The following TMEM213 variants were observed in gnomAD, a reference collection of about 807,000 sequenced individuals.
TMEM213 encodes transmembrane protein 213.
Under a neutral mutation model 11.6 loss-of-function variants are expected in TMEM213, and 7 were observed. The observed-to-expected ratio is 0.60, with a 90% CI of 0.34 to 1.13. TMEM213 has a LOEUF of 1.13. Among genes scored for constraint, TMEM213 ranks in the 50% most tolerant of loss-of-function variants. The pLI is 0.03. For synonymous variants in TMEM213, 60 were observed against 58.3 expected, an observed-to-expected ratio of 1.03 and a Z score of -0.13; for missense variants, 129 against 139.0, an observed-to-expected ratio of 0.93 and a Z score of 0.36.
chr7:138,800,888 A>T (rs1438206710), intron 1 of TMEM213, among the ~76,000 whole-genome samples: 1 of 151,896 alleles, frequency 6.6e-6, no homozygotes, highest in Non-Finnish European at 1.5e-5. Context: ...TAGTAGAGAC[A>T]GGGTTTCATC....
chr7:138,801,302 G>C, intron 1 of TMEM213, 25 bp from the exon 2 acceptor site: 2 of 1,603,038 alleles, frequency 1.2e-6, no homozygotes, highest in Non-Finnish European at 1.7e-6. Context: ...CAGTGCCTCA[G>C]ACTATCTCCT....
rs1490434678 is a variant in TMEM213, at chr7:138,805,527, G to A, written c.*2458G>A. 1 of 152,110 alleles carries A rather than the reference G, an allele frequency of 6.6e-6. No homozygotes were observed. The highest frequency in any genetic ancestry group is 1.5e-5 in the Non-Finnish European group (1 of 68,032). The allele number at this position is 152,110 out of a possible 1,614,324, so 9.4% of individuals were successfully genotyped here. A position where few individuals can be genotyped will look rare whatever the true frequency, so the allele number is the denominator to read the frequency against. ...ATATGTGACGGTTTATTTCCCAAGA[G>A]ATGAAAAGATTCATTAAGGTGCATG... On this transcript the variant is annotated 3_prime_UTR_variant, in exon 3 of 3. Coordinates refer to ENST00000442682, the MANE Select transcript of TMEM213 (RefSeq NM_001085429.2).
rs916896339 is a variant in TMEM213 at position 138,805,900 on chromosome 7, G to A, written c.*2831G>A. ...TTTTTTTCTGCTTTAATAAGTGAAGGGTCAGGGCACCAGTTGGTGTCTGAG... is the reference window on the plus strand; with the variant it reads ...TTTTTTTCTGCTTTAATAAGTGAAGAGTCAGGGCACCAGTTGGTGTCTGAG... On this transcript the variant is annotated 3_prime_UTR_variant, in exon 3 of 3. Transcript: ENST00000442682. The A allele has an allele frequency of 7.2e-5, 11 of 151,908 alleles. No homozygotes were observed. The highest frequency in any genetic ancestry group is 2.7e-4 in the African/African-American group (11 of 41,300). The allele number at this position is 151,908 out of a possible 1,614,324, so 9.4% of individuals were successfully genotyped here. A position where few individuals can be genotyped will look rare whatever the true frequency, so the allele number is the denominator to read the frequency against.
Position 138,802,871 on chromosome 7 carries a change from C to T in TMEM213, c.155-29C>T, listed in dbSNP as rs368171247. The T allele has an allele frequency of 3.9e-5, 59 of 1,526,492 alleles. No homozygotes were observed. The African/African-American group carries it at 4.1e-4, about 11-fold the overall frequency. 94.6% of individuals were successfully genotyped at this position (1,526,492 alleles called of 1,614,324 possible). ...CCTGGGCAGGGCTGGTGGTGCATGC[C>T]GTCGTCCTTGCTGTCCCTTCCCCAC... On this transcript the variant is annotated intron_variant, in intron 2 of 2. Coordinates refer to ENST00000442682, the MANE Select transcript of TMEM213 (RefSeq NM_001085429.2).
chr7:138,801,602 C>A, intron 2 of TMEM213: 1 of 579,430 alleles, frequency 1.7e-6, no homozygotes, highest in Non-Finnish European at 3.1e-6. Context: ...TCTAGGTGCA[C>A]AATCTTTGAC....
intron 1 of TMEM213, among the ~76,000 whole-genome samples, chr7:138,799,009 T>C (rs1218707684): frequency 6.6e-6 from 1 of 152,088 alleles, no homozygotes; most frequent in Non-Finnish European, 1.5e-5. Context: ...GCCAGGGGTG[T>C]TGGTGTTGAG....
chr7:138,802,375 C>T (rs1279245450), intron 2 of TMEM213, among the ~76,000 whole-genome samples: 4 of 151,924 alleles, frequency 2.6e-5, no homozygotes, highest in African/African-American at 9.7e-5. Flanking sequence ...CATGGCAAAA[C>T]CCAGTCTCTA....
At chr7:138,802,441 C>T (rs1473040905) in intron 2 of TMEM213, among the ~76,000 whole-genome samples, 3 of 151,512 alleles carry the variant, frequency 2.0e-5, no homozygotes, top group Non-Finnish European at 4.4e-5. Context: ...ATCCCAGCTA[C>T]TTGGGAGGCT....
chr7:138,805,787 A>C lies in TMEM213; in HGVS notation c.*2718A>C, dbSNP rs1809089596. On this transcript the variant is annotated 3_prime_UTR_variant, in exon 3 of 3. Transcript: ENST00000442682. ...TTCATGGAACCATTTCAGTCGCTTC[A>C]TGGAATCGGGGTAGGCATGAGGCCC... 1 of 152,184 alleles carries C rather than the reference A, an allele frequency of 6.6e-6. No individual in the cohort carries two copies. Among genetic ancestry groups the C allele is most frequent in the Non-Finnish European group, 1.5e-5 (1 of 68,026 alleles). The allele number at this position is 152,184 out of a possible 1,614,324, so 9.4% of individuals were successfully genotyped here.
chr7:138,799,121 C>T (rs370266144), intron 1 of TMEM213, among the ~76,000 whole-genome samples: 63 of 152,290 alleles, frequency 4.1e-4, no homozygotes, highest in South Asian at 1.7e-3. Flanking sequence ...CCTCTCTATG[C>T]CAAGTTTCCT....
Position 138,803,136 on chromosome 7 carries a change from G to A in TMEM213, c.*67G>A. On this transcript the variant is annotated 3_prime_UTR_variant, in exon 3 of 3. Transcript: ENST00000442682. Reference sequence around the variant, plus strand: ...GTGGCTAATGGGGAAGGGGAGTAAGGCTAACATGGTTTCTATTATTTAAGT... The same window carrying A: ...GTGGCTAATGGGGAAGGGGAGTAAGACTAACATGGTTTCTATTATTTAAGT... 2.0e-6 allele frequency: 3 copies of A among 1,522,682 alleles called. No homozygotes were observed. The highest frequency in any genetic ancestry group is 2.7e-6 in the Non-Finnish European group (3 of 1,125,004). The allele number at this position is 1,522,682 out of a possible 1,614,324, so 94.3% of individuals were successfully genotyped here.
intron 1 of TMEM213, 142 bp downstream of exon 1, chr7:138,798,328 C>A (rs553668115): frequency 3.8e-4 from 123 of 320,022 alleles, no homozygotes; most frequent in African/African-American, 2.6e-3. Context: ...ACAGAACTTT[C>A]TCATCTGAAG....
chr7:138,798,272 G>C, intron 1 of TMEM213, 86 bp downstream of exon 1: 1 of 1,187,986 alleles, frequency 8.4e-7, no homozygotes, highest in Non-Finnish European at 1.1e-6. Context: ...AGGAGGAGGG[G>C]GAAGATTCTT....
chr7:138,800,086 T>G (rs1015339081), intron 1 of TMEM213, among the ~76,000 whole-genome samples: 17 of 152,128 alleles, frequency 1.1e-4, no homozygotes, highest in Non-Finnish European at 2.2e-4. Context: ...TCTCTTGGTT[T>G]CCATCTACCT....
Position 138,804,102 on chromosome 7 carries a change from G to C in TMEM213, c.*1033G>C, listed in dbSNP as rs1809035387. 6.6e-6 allele frequency: 1 copy of C among 152,318 alleles called. No homozygotes were observed. The highest frequency in any genetic ancestry group is 2.1e-4 in the South Asian group (1 of 4,806). 9.4% of individuals were successfully genotyped at this position (152,318 alleles called of 1,614,324 possible). On this transcript the variant is annotated 3_prime_UTR_variant, in exon 3 of 3. Coordinates refer to ENST00000442682, the MANE Select transcript of TMEM213 (RefSeq NM_001085429.2). ...CGGTGCCCAAGTTTTAGCCTTCACT[G>C]CCTTCCCCTAGAACACGCCAGGGAT...
At chr7:138,802,596 T>TA (rs1808984053) in intron 2 of TMEM213, among the ~76,000 whole-genome samples, 1 of 149,926 alleles carries the variant, frequency 6.7e-6, no homozygotes, top group African/African-American at 2.5e-5. Flanking sequence ...GAATAATACA[T>TA]AGAGGTTAAG....
chr7:138,801,044 C>T (rs1808925968), intron 1 of TMEM213, among the ~76,000 whole-genome samples: 1 of 152,048 alleles, frequency 6.6e-6, no homozygotes, highest in African/African-American at 2.4e-5. Flanking sequence ...TTAGGGCCCA[C>T]CCATAGGACC....
Position 138,801,766 on chromosome 7 carries a change from T to C in TMEM213, c.154+368T>C, listed in dbSNP as rs73465034. ...TTGGTTTTGGCGTCCTTGGCATACA[T>C]ATTTCTTCTTCTTCTATGCACGTTT... On this transcript the variant is annotated intron_variant, in intron 2 of 2. Coordinates refer to ENST00000442682, the MANE Select transcript of TMEM213 (RefSeq NM_001085429.2). 4.3e-3 allele frequency: 1,028 copies of C among 240,028 alleles called. 14 individuals are homozygous for C. Among genetic ancestry groups the C allele is most frequent in the African/African-American group, 0.022 (979 of 45,320 alleles). The allele number at this position is 240,028 out of a possible 1,614,324, so 14.9% of individuals were successfully genotyped here.
At chr7:138,802,820 TTC>T in intron 2 of TMEM213, 78 bp from the exon 3 acceptor site, 1 of 1,409,976 alleles carries the variant, frequency 7.1e-7, no homozygotes, top group Non-Finnish European at 9.4e-7. Flanking sequence ...GCTGTGATTG[TTC>T]TGTTAATATT....
Sources: allele counts gnomAD v4.1 joint callset (sites outside exome capture counted in the v4.1 genomes callset), GRCh38; gene constraint gnomAD v4.1.1; transcripts MANE v1.5; gene names NCBI Gene and HGNC (gene_info 2026-07-23, HGNC 2026-07-21).